Variants in TRPM1 observed in about 807,000 individuals in gnomAD.
The protein encoded by TRPM1 is transient receptor potential cation channel subfamily M member 1.
Under a neutral mutation model 149.4 loss-of-function variants are expected in TRPM1, and 113 were observed. That is an observed-to-expected ratio of 0.76 (90% confidence interval 0.65 to 0.88). The LOEUF (loss-of-function observed/expected upper bound fraction) is 0.88, where lower values mean the gene tolerates loss of function less well. Among genes scored for constraint, TRPM1 ranks in the 40% least tolerant of loss-of-function variants. The pLI is 0.00. For synonymous variants in TRPM1, 741 were observed against 759.5 expected, an observed-to-expected ratio of 0.98 and a Z score of 0.40; for missense variants, 1,976 against 2,038.7, an observed-to-expected ratio of 0.97 and a Z score of 0.59.
At chr15:31,004,242 A>G (rs1318705124) in intron 27 of TRPM1, among the ~76,000 whole-genome samples, 5 of 151,352 alleles carry the variant, frequency 3.3e-5, no homozygotes, top group Non-Finnish European at 7.4e-5. Flanking sequence ...ACATCCTTAT[A>G]CATGTCCTCA....
At chr15:31,007,430 A>T (rs941674309) in intron 27 of TRPM1, among the ~76,000 whole-genome samples, 1 of 152,152 alleles carries the variant, frequency 6.6e-6, no homozygotes, top group African/African-American at 2.4e-5. Context: ...GGATAGTGTG[A>T]TTCCTCTAAT....
intron 22 of TRPM1, among the ~76,000 whole-genome samples, chr15:31,032,468 A>G (rs182221849): frequency 1.1e-4 from 16 of 152,242 alleles, no homozygotes; most frequent in Admixed American, 4.6e-4. Context: ...TGTTATGTAT[A>G]TATACACAGT....
chr15:31,068,833 A>G (rs929788974), intron 4 of TRPM1, among the ~76,000 whole-genome samples: 6 of 151,074 alleles, frequency 4.0e-5, no homozygotes, highest in Non-Finnish European at 7.4e-5. Context: ...GGTGCTATCT[A>G]TGAAGCAGAG....
intron 3 of TRPM1, among the ~76,000 whole-genome samples, chr15:31,074,125 C>T (rs534546665): frequency 1.6e-4 from 24 of 152,124 alleles, no homozygotes; most frequent in African/African-American, 5.3e-4. Flanking sequence ...AATTTCTGCA[C>T]CCATGTTCAT....
In TRPM1 at chr15:31,001,496, G is replaced by T; in HGVS notation, c.*326C>A. 2.9e-6 allele frequency: 1 copy of T among 340,454 alleles called. No individual in the cohort carries two copies. The allele number at this position is 340,454 out of a possible 1,614,324, so 21.1% of individuals were successfully genotyped here. ...TGCTTACTTCTTAAGTGACCTAATG[G>T]TGACTTCAGTGCTCGAGGGCACTTC... On this transcript the variant is annotated 3_prime_UTR_variant, in exon 28 of 28. Transcript: ENST00000256552.
At chr15:31,027,138 TA>T (rs1215732700) in intron 25 of TRPM1, 21 bp from the exon 26 acceptor site, 1 of 1,607,564 alleles carries the variant, frequency 6.2e-7, no homozygotes, top group South Asian at 1.1e-5. Context: ...AAGACATTTT[TA>T]CAGTTAGTTA....
rs149671533 is a variant in TRPM1 at position 31,099,079 on chromosome 15, C to T, written c.-84+2578G>A. Among the ~76,000 whole-genome samples, 46 of 152,248 alleles carry T rather than the reference C, an allele frequency of 3.0e-4. No homozygotes were observed. The East Asian group carries it at 5.6e-3, about 19-fold the overall frequency. Reference sequence around the variant, plus strand: ...AAGAGGCTGGGAAAATTGCTCCTGGCGCGATGGGCATCTGAGGTAACAGAA... The same window carrying T: ...AAGAGGCTGGGAAAATTGCTCCTGGTGCGATGGGCATCTGAGGTAACAGAA... On this transcript the variant is annotated intron_variant, in intron 1 of 27. Coordinates refer to ENST00000256552, the MANE Select transcript of TRPM1 (RefSeq NM_001252024.2).
At chr15:31,013,295 G>A (rs1403771318) in intron 27 of TRPM1, among the ~76,000 whole-genome samples, 1 of 152,046 alleles carries the variant, frequency 6.6e-6, no homozygotes, top group African/African-American at 2.4e-5. Context: ...ACAGGCATGA[G>A]TCACTGTGCC....
chr15:31,157,202 C>T (rs2036389224), intron 1 of TRPM1, among the ~76,000 whole-genome samples: 1 of 152,194 alleles, frequency 6.6e-6, no homozygotes, highest in Admixed American at 6.5e-5. Flanking sequence ...TGTGAGCCAC[C>T]ACGCCTGGCT....
chr15:31,020,944 C>T (rs2032532025), intron 27 of TRPM1, among the ~76,000 whole-genome samples: 1 of 152,092 alleles, frequency 6.6e-6, no homozygotes, highest in Admixed American at 6.5e-5. Flanking sequence ...AAGAACGAAG[C>T]CACACCCTCC....
At chr15:31,156,722 G>T (rs912691354) in intron 1 of TRPM1, among the ~76,000 whole-genome samples, 1 of 152,098 alleles carries the variant, frequency 6.6e-6, no homozygotes, top group Non-Finnish European at 1.5e-5. Flanking sequence ...GTGCCTGGGC[G>T]CATGTTCTCG....
intron 7 of TRPM1, among the ~76,000 whole-genome samples, chr15:31,064,453 AG>A (rs771941326): frequency 4.6e-5 from 7 of 152,214 alleles, no homozygotes; most frequent in Non-Finnish European, 8.8e-5. Flanking sequence ...GGAAGATTCC[AG>A]GAAGTTGGGA....
rs1160971288 is a variant in TRPM1, at chr15:31,040,254, T to G, written c.2180A>C (p.Asn727Thr). ...AMKLLTYELK[N>T]WSNSTCLKLA... ...TTTGAGGCAGGTCGAGTTGCTCCAG[T>G]TTTTCAGCTCGTAGGTCAGGAGTTT... The change falls in exon 18 of 28, where the codon AAC (asparagine) becomes ACC (threonine). Residue 727 changes from asparagine to threonine, a missense_variant. Physicochemically the swap from Asn to Thr is moderately conservative, Grantham distance 65. This residue lies in a region of TRPM1 where 1,332 missense variants were observed against 1,347.1 expected (regional missense o/e 0.99). Coordinates refer to ENST00000256552, the MANE Select transcript of TRPM1 (RefSeq NM_001252024.2). The surrounding 1 kb of genome is among the most constrained non-coding windows in gnomAD (Gnocchi z 4.2). 6.2e-7 allele frequency: 1 copy of G among 1,614,144 alleles called. No homozygotes were observed. The highest frequency in any genetic ancestry group is 8.5e-7 in the Non-Finnish European group (1 of 1,180,028).
chr15:31,028,545 T>C, intron 24 of TRPM1, 69 bp from the exon 25 acceptor site: 1 of 1,505,900 alleles, frequency 6.6e-7, no homozygotes. Context: ...CTCTTACATA[T>C]GTTTTTCAAT....
rs1299829364 is a variant in TRPM1, at chr15:31,038,183, G to A, written c.2317-17C>T. 6.2e-7 allele frequency: 1 copy of A among 1,613,486 alleles called. No homozygotes were observed. The highest frequency in any genetic ancestry group is 8.5e-7 in the Non-Finnish European group (1 of 1,179,664). Reference sequence around the variant, plus strand: ...CATGATAACCTACGGAACATAAATTGATTTTTTAAGCTGTGGCAATTCTAG... The same window carrying A: ...CATGATAACCTACGGAACATAAATTAATTTTTTAAGCTGTGGCAATTCTAG... On this transcript the variant is annotated splice_polypyrimidine_tract_variant and intron_variant, in intron 18 of 27. Coordinates refer to ENST00000256552, the MANE Select transcript of TRPM1 (RefSeq NM_001252024.2).
Position 31,046,320 on chromosome 15 carries a change from A to G in TRPM1, c.1765-87T>C, listed in dbSNP as rs181136258. 4.7e-6 allele frequency: 6 copies of G among 1,276,096 alleles called. No homozygotes were observed. In the Middle Eastern group the frequency reaches 5.8e-4, roughly 124 times the overall value. The allele number at this position is 1,276,096 out of a possible 1,614,324, so 79.0% of individuals were successfully genotyped here. On this transcript the variant is annotated intron_variant, in intron 15 of 27. Transcript: ENST00000256552. ...ATTAGCAGTATTGTTGATAGTGGAC[A>G]TACGAATGGATTAAAAAGCACTTTG...
chr15:31,105,051 G>C, upstream of TRPM1, among the ~76,000 whole-genome samples: 1 of 152,214 alleles, frequency 6.6e-6, no homozygotes, highest in East Asian at 1.9e-4. Context: ...GGAATTGGTT[G>C]CTTCCTTGGC....
In TRPM1 at chr15:31,002,765, G is replaced by C. The variant is rs1468124674; in HGVS notation, c.3935C>G (p.Ser1312Cys). 1 of 1,614,194 alleles carries C rather than the reference G, an allele frequency of 6.2e-7. No individual in the cohort carries two copies. Among genetic ancestry groups the C allele is most frequent in the Non-Finnish European group, 8.5e-7 (1 of 1,180,042 alleles). The change falls in exon 28 of 28, where the codon TCC becomes TGC. Residue 1312 changes from serine (S) to cysteine (C), a missense_variant. Ser to Cys is a moderately radical substitution (Grantham distance 112). Coordinates refer to ENST00000256552, the MANE Select transcript of TRPM1 (RefSeq NM_001252024.2). ...EELLFEDTSL[S>C]TSPGTGVRKK... ...CCTGACTCCTGTCCCTGGTGACGTGGAGAGAGATGTATCCTCAAATAATAA... is the reference window on the plus strand; with the variant it reads ...CCTGACTCCTGTCCCTGGTGACGTGCAGAGAGATGTATCCTCAAATAATAA...
chr15:31,124,757 G>A (rs8039270), intron 1 of TRPM1, among the ~76,000 whole-genome samples: 151,277 of 151,980 alleles, frequency 1, 75,292 homozygotes, highest in East Asian at 1. Context: ...ATCAGTGAAT[G>A]TCAGGGTTTT....
Sources: allele counts gnomAD v4.1 joint callset (sites outside exome capture counted in the v4.1 genomes callset), GRCh38; gene constraint gnomAD v4.1.1; regional missense constraint gnomAD v4.1.1; non-coding constraint Gnocchi (gnomAD v3.1); transcripts MANE v1.5; gene names NCBI Gene and HGNC (gene_info 2026-07-23, HGNC 2026-07-21).